KMT2C: variants seen among roughly 807,000 people sequenced by gnomAD.
The protein encoded by KMT2C is histone-lysine N-methyltransferase 2C.
KMT2C carries 88 observed loss-of-function variants against 507.9 expected under a neutral mutation model. That is an observed-to-expected ratio of 0.17 (90% CI 0.15 to 0.21). KMT2C has a LOEUF of 0.21. Ranked by LOEUF, KMT2C falls within the 10% of genes least tolerant of loss-of-function variation. KMT2C has a pLI of 1.00. For missense variants in KMT2C, 4,954 were observed against 5,957.8 expected (o/e 0.83, Z 5.55); for synonymous variants, 2,049 against 2,080.8 (o/e 0.98, Z 0.42).
At chr7:152,183,233 T>C in intron 34 of KMT2C, 77 bp from the exon 35 acceptor site, 1 of 1,193,266 alleles carries the variant, frequency 8.4e-7, no homozygotes, top group Non-Finnish European at 1.2e-6. Flanking sequence ...TATCATGAAC[T>C]TTCTCAAATA....
At position 152,276,100 on chromosome 7, in the gene KMT2C, A is replaced by C. The variant is rs1158261203; in HGVS notation, c.850-2233T>G. On this transcript the variant is annotated intron_variant, in intron 6 of 58. Transcript: ENST00000262189. ...TATATCTAACATACTAATTTACAAT[A>C]TCATATAAAGATATCAGTGAATAAA... Among the ~76,000 whole-genome samples, 13 of 152,372 alleles carry C rather than the reference A, an allele frequency of 8.5e-5. No homozygotes were observed. In the South Asian group the frequency reaches 2.5e-3, roughly 29 times the overall value.
At chr7:152,255,153 A>AG (rs2095638902) in intron 9 of KMT2C, among the ~76,000 whole-genome samples, 1 of 136,418 alleles carries the variant, frequency 7.3e-6, no homozygotes, top group Non-Finnish European at 1.6e-5. Flanking sequence ...ATACATATAT[A>AG]TATATGTGTG....
At chr7:152,199,180 G>T in intron 27 of KMT2C, 99 bp downstream of exon 27, 2 of 907,274 alleles carry the variant, frequency 2.2e-6, no homozygotes, top group Non-Finnish European at 3.3e-6. Context: ...TTTTTAAAAT[G>T]CATATGAGGC....
chr7:152,278,701 G>A (rs1317429075), intron 6 of KMT2C, among the ~76,000 whole-genome samples: 1 of 152,204 alleles, frequency 6.6e-6, no homozygotes, highest in Non-Finnish European at 1.5e-5. Flanking sequence ...TAATTGCAAA[G>A]AAATAGAATT....
At chr7:152,185,953 G>A (rs2093613996) in intron 33 of KMT2C, among the ~76,000 whole-genome samples, 1 of 152,120 alleles carries the variant, frequency 6.6e-6, no homozygotes, top group Non-Finnish European at 1.5e-5. Flanking sequence ...CAGAACCAAA[G>A]TACAAGTTTG....
chr7:152,279,661 T>C (rs2096163431), intron 6 of KMT2C, among the ~76,000 whole-genome samples: 1 of 152,212 alleles, frequency 6.6e-6, no homozygotes, highest in Non-Finnish European at 1.5e-5. Flanking sequence ...TGGCATACTA[T>C]TAAACACACA....
chr7:152,163,940 G>T, intron 42 of KMT2C, 114 bp from the exon 43 acceptor site: 2 of 959,630 alleles, frequency 2.1e-6, no homozygotes, highest in Non-Finnish European at 3.2e-6. Flanking sequence ...CCCTGCAGAA[G>T]CAAACATATT....
intron 4 of KMT2C, 129 bp downstream of exon 4, chr7:152,315,009 C>T (rs2129202245): frequency 2.8e-6 from 2 of 724,746 alleles, no homozygotes; most frequent in South Asian, 4.0e-5. Flanking sequence ...CAGAGTATCC[C>T]ATAAATGTGG....
chr7:152,428,456 T>TACAAAAAAAAAAA (rs2097841304), intron 1 of KMT2C, among the ~76,000 whole-genome samples: 1 of 17,906 alleles, frequency 5.6e-5, no homozygotes, highest in Admixed American at 6.0e-4. Context: ...CTACTAAAAA[T>TACAAAAAAAAAAA]ACAAAAAAAA....
At chr7:152,370,721 A>C (rs1295718195) in intron 1 of KMT2C, among the ~76,000 whole-genome samples, 1 of 152,232 alleles carries the variant, frequency 6.6e-6, no homozygotes, top group African/African-American at 2.4e-5. Context: ...AAAATCAATC[A>C]ATGTAATCTA....
At chr7:152,317,191 T>A (rs2096729844) in intron 3 of KMT2C, among the ~76,000 whole-genome samples, 2 of 152,200 alleles carry the variant, frequency 1.3e-5, no homozygotes, top group African/African-American at 4.8e-5. Flanking sequence ...TTAGAAGACC[T>A]CAGAAATTTT....
chr7:152,364,609 C>CCAAAAAAAAA (rs2097222783), intron 1 of KMT2C, among the ~76,000 whole-genome samples: 2 of 90,836 alleles, frequency 2.2e-5, no homozygotes, highest in African/African-American at 9.7e-5. Flanking sequence ...ACTCCGTCTC[C>CCAAAAAAAAA]AAAAAAAAAA....
chr7:152,199,669 G>T (rs868346635), intron 26 of KMT2C, among the ~76,000 whole-genome samples: 3 of 151,954 alleles, frequency 2.0e-5, no homozygotes, highest in Non-Finnish European at 2.9e-5. Flanking sequence ...AGATTTTTTG[G>T]TAGCTTTACT....
intron 9 of KMT2C, among the ~76,000 whole-genome samples, chr7:152,260,091 T>C (rs1172308778): frequency 2.0e-5 from 3 of 152,198 alleles, no homozygotes; most frequent in Non-Finnish European, 2.9e-5. Context: ...TAACCTTCTA[T>C]ACACTGACTT....
chr7:152,314,481 A>G (rs556946561), intron 4 of KMT2C, among the ~76,000 whole-genome samples: 1 of 150,990 alleles, frequency 6.6e-6, no homozygotes, highest in East Asian at 2.0e-4. Context: ...CAAGACCTTT[A>G]GGTAATTACA....
intron 2 of KMT2C, among the ~76,000 whole-genome samples, chr7:152,356,900 T>TAA (rs1370158060): frequency 6.2e-5 from 3 of 48,326 alleles, no homozygotes; most frequent in African/African-American, 1.7e-4. Context: ...TCAAAAAGAA[T>TAA]AATAATAATA....
intron 24 of KMT2C, among the ~76,000 whole-genome samples, chr7:152,206,467 G>A (rs1474605913): frequency 3.3e-5 from 5 of 152,026 alleles, no homozygotes; most frequent in African/African-American, 1.2e-4. Flanking sequence ...TATCTTTTAA[G>A]GTCTCATGGA....
intron 22 of KMT2C, 117 bp downstream of exon 22, chr7:152,221,884 A>G: frequency 1.5e-6 from 1 of 678,190 alleles, no homozygotes; most frequent in Admixed American, 2.7e-5. Flanking sequence ...TACCAACATT[A>G]CAGAATTTGG....
intron 44 of KMT2C, 105 bp downstream of exon 44, chr7:152,158,758 A>AGG (rs1587778419): frequency 2.0e-6 from 2 of 999,534 alleles, no homozygotes; most frequent in East Asian, 4.8e-5. Context: ...CAAGTGATCC[A>AGG]CCTGCCTCAG....
Sources: gnomAD v4.1 joint callset for allele counts (sites outside exome capture counted in the v4.1 genomes callset) on GRCh38, gnomAD v4.1.1 for gene constraint, MANE v1.5 for transcripts, NCBI Gene and HGNC (gene_info 2026-07-23, HGNC 2026-07-21) for gene names.